ZNF45: variants seen among roughly 807,000 people sequenced by gnomAD.
The protein encoded by ZNF45 is zinc finger protein 45.
Under a neutral mutation model 12.0 loss-of-function variants are expected in ZNF45, and 4 were observed. The observed-to-expected ratio is 0.33, with a 90% confidence interval of 0.16 to 0.76. The LOEUF (loss-of-function observed/expected upper bound fraction) is 0.76. ZNF45 is among the 30% of genes least tolerant of loss of function. ZNF45 has a pLI of 0.60. For synonymous variants in ZNF45, 272 were observed against 279.6 expected, an observed-to-expected ratio of 0.97 and a Z score of 0.27; for missense variants, 700 against 813.0, an observed-to-expected ratio of 0.86 and a Z score of 1.69.
intron 9 of ZNF45, among the ~76,000 whole-genome samples, chr19:43,917,056 TA>T: frequency 6.6e-6 from 1 of 152,352 alleles, no homozygotes; most frequent in East Asian, 1.9e-4. Context: ...GATGTAAATA[TA>T]TTTTTCTATA....
Position 43,919,712 on chromosome 19 carries a change from A to T in ZNF45, c.16-13T>A. 2 of 1,609,346 alleles carry T rather than the reference A, an allele frequency of 1.2e-6. No individual in the cohort carries two copies. Among genetic ancestry groups the T allele is most frequent in the Non-Finnish European group, 1.7e-6 (2 of 1,177,000 alleles). ...ATGTCACTGCCTCCTACAACATCAA[A>T]CACACTCCACCTAAATCTTGCAATA... On this transcript the variant is annotated splice_polypyrimidine_tract_variant and intron_variant, in intron 7 of 9. Coordinates refer to ENST00000269973, the MANE Select transcript of ZNF45 (RefSeq NM_003425.4).
chr19:43,917,175 G>A (rs1266733870), intron 9 of ZNF45, among the ~76,000 whole-genome samples: 2 of 152,160 alleles, frequency 1.3e-5, no homozygotes, highest in African/African-American at 4.8e-5. Context: ...TATTAGACGT[G>A]TTTTGTAAGC....
In ZNF45 at chr19:43,913,772, G is replaced by T. The variant is rs1290597640; in HGVS notation, c.1664C>A (p.Pro555His). Residue 555 changes from proline (P) to histidine (H), a missense_variant, in exon 10 of 10, where the codon CCC becomes CAC. Transcript: ENST00000269973. ...AHQRCHTGEK[P>H]YQCEECGKGF... ...CTTCCCACACTCCTCACATTGATAG[G>T]GTTTCTCTCCAGTGTGGCACCTCTG... 4 of 1,613,778 alleles carry T rather than the reference G, an allele frequency of 2.5e-6. No individual in the cohort carries two copies. Among genetic ancestry groups the T allele is most frequent in the Non-Finnish European group, 2.5e-6 (3 of 1,179,966 alleles).
At chr19:43,930,456 G>A (rs1974041097) in intron 3 of ZNF45, among the ~76,000 whole-genome samples, 1 of 151,916 alleles carries the variant, frequency 6.6e-6, no homozygotes, top group Non-Finnish European at 1.5e-5. Flanking sequence ...GTAGGGCCTG[G>A]GTCTTATGAT....
At position 43,932,586 on chromosome 19, in the gene ZNF45, G is replaced by A. The variant is rs1974218599; in HGVS notation, c.-400+18C>T. 1 of 152,162 alleles carries A rather than the reference G, an allele frequency of 6.6e-6. No individual in the cohort carries two copies. Among genetic ancestry groups the A allele is most frequent in the African/African-American group, 2.4e-5 (1 of 41,426 alleles). The allele number at this position is 152,162 out of a possible 1,614,324, so 9.4% of individuals were successfully genotyped here. A position where few individuals can be genotyped will look rare whatever the true frequency, so the allele number is the denominator to read the frequency against. Reference sequence around the variant, plus strand: ...CCAAAATCCAGATGCCTGTTGGAGAGCTACATGAATCACTTACTCACTGAA... The same window carrying A: ...CCAAAATCCAGATGCCTGTTGGAGAACTACATGAATCACTTACTCACTGAA... On this transcript the variant is annotated intron_variant, in intron 3 of 9. Coordinates refer to ENST00000269973, the MANE Select transcript of ZNF45 (RefSeq NM_003425.4).
At chr19:43,922,866 C>A (rs1007027685) in intron 6 of ZNF45, among the ~76,000 whole-genome samples, 1 of 131,032 alleles carries the variant, frequency 7.6e-6, no homozygotes, top group Non-Finnish European at 1.5e-5. Flanking sequence ...TGCTCTGCTG[C>A]CCAGGCTGGA....
intron 3 of ZNF45, among the ~76,000 whole-genome samples, chr19:43,931,887 T>C: frequency 6.6e-6 from 1 of 152,214 alleles, no homozygotes; most frequent in East Asian, 1.9e-4. Context: ...TACAGTTAAC[T>C]TGTGTGTGTT....
chr19:43,916,713 T>G (rs1218599910), intron 9 of ZNF45, among the ~76,000 whole-genome samples: 1 of 152,180 alleles, frequency 6.6e-6, no homozygotes, highest in East Asian at 1.9e-4. Flanking sequence ...TGGGAGACTT[T>G]GAGCCAAATT....
chr19:43,923,972 A>C (rs887190214), intron 6 of ZNF45, among the ~76,000 whole-genome samples: 1 of 150,198 alleles, frequency 6.7e-6, no homozygotes, highest in Non-Finnish European at 1.5e-5. Context: ...GAAAAAAAAA[A>C]AATCTAAAAA....
At chr19:43,922,035 C>A in intron 7 of ZNF45, 136 bp downstream of exon 7, 1 of 720,288 alleles carries the variant, frequency 1.4e-6, no homozygotes, top group South Asian at 4.1e-5. Context: ...AAGTAAAAAG[C>A]AGCAAGCATT....
Position 43,914,719 on chromosome 19 carries a change from C to CT in ZNF45, c.716dup (p.Arg240GlufsTer12). The CT allele has an allele frequency of 6.2e-7, 1 of 1,614,218 alleles. No homozygotes were observed. The highest frequency in any genetic ancestry group is 8.5e-7 in the Non-Finnish European group (1 of 1,180,040). On this transcript the variant is annotated frameshift_variant, in exon 10 of 10. Transcript: ENST00000269973. LOFTEE classifies it low-confidence loss of function (END_TRUNC). Reference sequence around the variant, plus strand: ...ATGGATTCTCTCCAGTGGGAACTCTCTGATGATGGGGAAGATGTGACCTCT... The same window carrying CT: ...ATGGATTCTCTCCAGTGGGAACTCTCTTGATGATGGGGAAGATGTGACCTCT...
rs183517474 is a variant in ZNF45, at chr19:43,919,849, A to G, written c.16-150T>C. 6 of 759,752 alleles carry G rather than the reference A, an allele frequency of 7.9e-6. No individual in the cohort carries two copies. The East Asian group carries it at 2.3e-4, about 29-fold the overall frequency. 47.1% of individuals were successfully genotyped at this position (759,752 alleles called of 1,614,324 possible). ...CTTTATTACAGTTAAACACATATAA[A>G]GTGTATTATATTTTAGGTTTTTCCT... On this transcript the variant is annotated intron_variant, in intron 7 of 9. Coordinates refer to ENST00000269973, the MANE Select transcript of ZNF45 (RefSeq NM_003425.4).
chr19:43,923,474 A>G (rs403137), intron 6 of ZNF45, among the ~76,000 whole-genome samples: 73,806 of 151,970 alleles, frequency 0.49, 18,842 homozygotes, highest in East Asian at 0.81. Flanking sequence ...AAGCTTTATC[A>G]TAAGTATGTA....
chr19:43,923,902 G>T (rs1973436170), intron 6 of ZNF45, among the ~76,000 whole-genome samples: 1 of 151,070 alleles, frequency 6.6e-6, no homozygotes, highest in African/African-American at 2.4e-5. Flanking sequence ...GCCAAAGTGG[G>T]AGGACTGCTT....
chr19:43,919,772 G>A, intron 7 of ZNF45, 73 bp from the exon 8 acceptor site: 1 of 1,534,990 alleles, frequency 6.5e-7, no homozygotes, highest in Non-Finnish European at 8.8e-7. Flanking sequence ...ACTGAGAAAT[G>A]TGAAAAAGAT....
rs1422236182 is a variant in ZNF45 at position 43,914,091 on chromosome 19, A to G, written c.1345T>C (p.Cys449Arg). 2.5e-6 allele frequency: 4 copies of G among 1,613,832 alleles called. No individual in the cohort carries two copies. Residue 449 changes from cysteine to arginine, a missense_variant, in exon 10 of 10, where the codon TGT (cysteine) becomes CGT (arginine). Coordinates refer to ENST00000269973, the MANE Select transcript of ZNF45 (RefSeq NM_003425.4). ...GAGGCCTGGCTGAAGCCCTTGCCAC[A>G]CTCCTCACATTTATAGGGTTTTTCC... ...TGEKPYKCEE[C>R]GKGFSQASNL... is the part of the protein sequence containing the mutation.
chr19:43,934,151 A>C (rs986222424), intron 2 of ZNF45, among the ~76,000 whole-genome samples: 15 of 152,226 alleles, frequency 9.9e-5, no homozygotes, highest in African/African-American at 3.6e-4. Context: ...ACTGTGATAT[A>C]GGAAAGTAAA....
intron 3 of ZNF45, among the ~76,000 whole-genome samples, chr19:43,927,210 T>A (rs1973754642): frequency 6.6e-6 from 1 of 152,224 alleles, no homozygotes; most frequent in African/African-American, 2.4e-5. Context: ...TCTAACATCC[T>A]TCTAGGTATT....
intron 6 of ZNF45, among the ~76,000 whole-genome samples, chr19:43,923,923 G>T (rs1973437982): frequency 7.0e-6 from 1 of 142,420 alleles, no homozygotes; most frequent in Admixed American, 7.3e-5. Context: ...GAGGCCAAGA[G>T]TTCAAGACCA....
Sources: gnomAD v4.1 joint callset for allele counts (sites outside exome capture counted in the v4.1 genomes callset) on GRCh38, gnomAD v4.1.1 for gene constraint, MANE v1.5 for transcripts, NCBI Gene and HGNC (gene_info 2026-07-23, HGNC 2026-07-21) for gene names.